PBX4: variants seen among roughly 807,000 people sequenced by gnomAD.
PBX4 encodes the protein PBX homeobox 4, also known as pre-B-cell leukemia transcription factor 4.
In PBX4, 26 loss-of-function variants were observed where a neutral mutation model predicts 35.1. That is an observed-to-expected ratio of 0.74 (90% CI 0.54 to 1.03). The LOEUF is 1.03. Ranked by LOEUF, PBX4 falls within the 50% of genes least tolerant of loss-of-function variation. The pLI is 0.00. For synonymous variants in PBX4, 199 were observed against 204.2 expected (o/e 0.97, Z 0.22); for missense variants, 448 against 504.3 (o/e 0.89, Z 1.07).
chr19:19,592,213 G>A (rs960812892), intron 2 of PBX4, among the ~76,000 whole-genome samples: 1 of 152,146 alleles, frequency 6.6e-6, no homozygotes, highest in African/African-American at 2.4e-5. Context: ...CAACGCTTTC[G>A]AATTCTGCAA....
intron 1 of PBX4, among the ~76,000 whole-genome samples, chr19:19,606,053 A>G (rs1028104615): frequency 5.3e-5 from 8 of 152,184 alleles, no homozygotes; most frequent in African/African-American, 1.9e-4. Flanking sequence ...GGGACTGACT[A>G]GTGAGACCTT....
At chr19:19,588,648 G>A (rs1249940652) in intron 2 of PBX4, among the ~76,000 whole-genome samples, 1 of 152,164 alleles carries the variant, frequency 6.6e-6, no homozygotes, top group Non-Finnish European at 1.5e-5. Flanking sequence ...AGGTCTAGAA[G>A]CTTCAGGAGC....
chr19:19,601,507 C>A (rs1286462577), intron 1 of PBX4, among the ~76,000 whole-genome samples: 2 of 152,110 alleles, frequency 1.3e-5, no homozygotes, highest in African/African-American at 4.8e-5. Context: ...ATCCTCAGAA[C>A]CCTAAATATG....
chr19:19,581,212 C>T (rs921366536), intron 2 of PBX4, among the ~76,000 whole-genome samples: 1 of 152,226 alleles, frequency 6.6e-6, no homozygotes, highest in Non-Finnish European at 1.5e-5. Flanking sequence ...TTTGGCCTTA[C>T]TGACTTGTAT....
At chr19:19,605,449 CAATAATAAT>C (rs36012398) in intron 1 of PBX4, among the ~76,000 whole-genome samples, 1 of 90,416 alleles carries the variant, frequency 1.1e-5, no homozygotes, top group Non-Finnish European at 2.3e-5. Flanking sequence ...ATAATAATAA[CAATAATAAT>C]AATAATACAA....
chr19:19,613,329 G>A (rs748456715), intron 1 of PBX4, among the ~76,000 whole-genome samples: 8 of 151,374 alleles, frequency 5.3e-5, no homozygotes, highest in East Asian at 2.0e-4. Flanking sequence ...TTAGCCGGGC[G>A]TGGTGGCAGG....
intron 1 of PBX4, among the ~76,000 whole-genome samples, chr19:19,613,386 T>A (rs1250862850): frequency 6.9e-6 from 1 of 145,844 alleles, no homozygotes; most frequent in Non-Finnish European, 1.5e-5. Flanking sequence ...GAGAATCTCT[T>A]GAACCCAGGA....
chr19:19,573,279 T>C (rs943039977), intron 2 of PBX4, among the ~76,000 whole-genome samples: 29 of 147,158 alleles, frequency 2.0e-4, no homozygotes, highest in Admixed American at 1.8e-3. Flanking sequence ...TACTCCAGCC[T>C]GGGCAACAAG....
At position 19,569,475 on chromosome 19, in the gene PBX4, T is replaced by G; in HGVS notation, c.742A>C (p.Arg248=). The G allele has an allele frequency of 6.2e-7, 1 of 1,613,218 alleles. No homozygotes were observed. Among genetic ancestry groups the G allele is most frequent in the African/African-American group, 1.3e-5 (1 of 74,978 alleles). ...TGGGAGATGGTGAGGCCGCCCTTCCTGGCCAGCTCTTCTTTGGCTTCTTCG... is the reference window on the plus strand; with the variant it reads ...TGGGAGATGGTGAGGCCGCCCTTCCGGGCCAGCTCTTCTTTGGCTTCTTCG... The part of the protein sequence containing the change: ...PSEEAKEELA[R]KGGLTISQVS... The change falls in exon 5 of 8, where the codon AGG becomes CGG. Residue 248 remains arginine (R), a synonymous_variant. Transcript: ENST00000251203.
At chr19:19,612,709 G>A (rs780159746) in intron 1 of PBX4, among the ~76,000 whole-genome samples, 6 of 152,232 alleles carry the variant, frequency 3.9e-5, no homozygotes, top group Non-Finnish European at 8.8e-5. Context: ...GAGATTTGAA[G>A]CTTCAAAGTC....
intron 2 of PBX4, among the ~76,000 whole-genome samples, chr19:19,576,202 C>A (rs761172867): frequency 4.7e-5 from 7 of 150,494 alleles, no homozygotes; most frequent in Non-Finnish European, 7.4e-5. Context: ...CCAGCCTGGG[C>A]AACATGGTGA....
chr19:19,562,151 G>T lies in PBX4; in HGVS notation c.1033-34C>A. 1 of 1,550,600 alleles carries T rather than the reference G, an allele frequency of 6.4e-7. No homozygotes were observed. The highest frequency in any genetic ancestry group is 8.8e-7 in the Non-Finnish European group (1 of 1,135,130). On this transcript the variant is annotated intron_variant, in intron 7 of 7. Transcript: ENST00000251203. The surrounding 1 kb of genome is among the most constrained non-coding windows in gnomAD (Gnocchi z 4.8). ...ACAGAGACTGAGCATCAGAGTGGGT[G>T]GCCGTGAGACTGGTGACTACCCAGC...
intron 2 of PBX4, among the ~76,000 whole-genome samples, chr19:19,580,154 C>T (rs2061445151): frequency 6.6e-6 from 1 of 152,248 alleles, no homozygotes; most frequent in African/African-American, 2.4e-5. Context: ...CGCAGACAAG[C>T]ATGTCCGCCT....
At chr19:19,606,185 A>T (rs1346256373) in intron 1 of PBX4, among the ~76,000 whole-genome samples, 1 of 152,216 alleles carries the variant, frequency 6.6e-6, no homozygotes, top group African/African-American at 2.4e-5. Flanking sequence ...CAATGTGCCA[A>T]AGGTGATGGT....
rs997934061 is a variant in PBX4 at position 19,572,796 on chromosome 19, G to A, written c.194-1963C>T. 1.4e-4 allele frequency among the ~76,000 whole-genome samples: 20 copies of A among 147,332 alleles called. 1 individual carries two copies. Among genetic ancestry groups the A allele is most frequent in the Non-Finnish European group, 3.0e-5 (2 of 67,258 alleles). ...TTGAACCCGGGAGACGGAGGTTGCA[G>A]TGAGCCGAGATCACGCCATTGCACT... On this transcript the variant is annotated intron_variant, in intron 2 of 7. Transcript: ENST00000251203.
At chr19:19,610,829 C>T (rs1220918953) in intron 1 of PBX4, among the ~76,000 whole-genome samples, 2 of 152,162 alleles carry the variant, frequency 1.3e-5, no homozygotes, top group African/African-American at 2.4e-5. Flanking sequence ...TGGCACTAGA[C>T]CAAGTCAAGC....
intron 6 of PBX4, 102 bp downstream of exon 6, chr19:19,564,831 A>T: frequency 7.0e-7 from 1 of 1,418,624 alleles, no homozygotes; most frequent in Non-Finnish European, 9.8e-7. Flanking sequence ...AGAGTTGACC[A>T]CTGGGGGAAG....
At chr19:19,601,844 C>T (rs949800479) in intron 1 of PBX4, among the ~76,000 whole-genome samples, 4 of 152,164 alleles carry the variant, frequency 2.6e-5, no homozygotes, top group Non-Finnish European at 5.9e-5. Context: ...TGTGGGCTTT[C>T]TGACCTACCG....
In PBX4 at chr19:19,570,738, C is replaced by T. The variant is rs550752634; in HGVS notation, c.289G>A (p.Glu97Lys). The T allele has an allele frequency of 3.8e-5, 61 of 1,613,974 alleles. No homozygotes were observed. Among genetic ancestry groups the T allele is most frequent in the Non-Finnish European group, 4.5e-5 (53 of 1,180,026 alleles). Residue 97 changes from glutamate (E) to lysine (K), a missense_variant, in exon 3 of 8, where the codon GAG becomes AAG. By Grantham distance (56) the Glu-to-Lys change is moderately conservative. Transcript: ENST00000251203. ...ACCGCTCCTCCTCTTCCTCTCTTCT[C>T]GGGCCTGCACACGCCCTCAGCCAGC... Reference protein sequence around the residue: ...MLLAEGVCRPEKRGRGGAVAR... With the variant: ...MLLAEGVCRPKKRGRGGAVAR...
Sources: gnomAD v4.1 joint callset for allele counts (sites outside exome capture counted in the v4.1 genomes callset) on GRCh38, gnomAD v4.1.1 for gene constraint, Gnocchi (gnomAD v3.1) non-coding constraint, MANE v1.5 for transcripts, NCBI Gene and HGNC (gene_info 2026-07-23, HGNC 2026-07-21) for gene names.